The following KITLG variants were observed in gnomAD, a reference collection of about 807,000 sequenced individuals.
KITLG encodes KIT ligand, also known as c-Kit ligand.
In KITLG, 13 loss-of-function variants were observed where a neutral mutation model predicts 34.1. The ratio of observed to expected loss-of-function variants is 0.38; its 90% CI spans 0.25 to 0.61. The LOEUF is 0.61. KITLG is among the 20% of genes least tolerant of loss of function. The pLI is 0.60. For synonymous variants in KITLG, 110 were observed against 104.0 expected, an observed-to-expected ratio of 1.06 and a Z score of -0.35; for missense variants, 292 against 318.9, an observed-to-expected ratio of 0.92 and a Z score of 0.64.
chr12:88,565,076 A>G (rs1871401768), intron 1 of KITLG, among the ~76,000 whole-genome samples: 1 of 152,244 alleles, frequency 6.6e-6, no homozygotes, highest in South Asian at 2.1e-4. Context: ...TTTTAAATAC[A>G]TAAATATCAT....
intron 2 of KITLG, among the ~76,000 whole-genome samples, chr12:88,536,984 T>A (rs1293310398): frequency 1.3e-5 from 2 of 151,838 alleles, no homozygotes; most frequent in African/African-American, 2.4e-5. Context: ...AAGTATAATT[T>A]AAAAAAATGT....
At chr12:88,524,254 T>C (rs1311446258) in intron 3 of KITLG, among the ~76,000 whole-genome samples, 1 of 152,256 alleles carries the variant, frequency 6.6e-6, no homozygotes, top group African/African-American at 2.4e-5. Context: ...TTCATTTTAC[T>C]TAATTATAAT....
At chr12:88,556,471 G>GCCTTAACTAGGGC (rs1871102520) in intron 1 of KITLG, among the ~76,000 whole-genome samples, 1 of 152,170 alleles carries the variant, frequency 6.6e-6, no homozygotes, top group Non-Finnish European at 1.5e-5. Flanking sequence ...GATGATAAGG[G>GCCTTAACTAGGGC]CCTTAACTAG....
chr12:88,566,483 A>G (rs1871447701), intron 1 of KITLG, among the ~76,000 whole-genome samples: 1 of 152,222 alleles, frequency 6.6e-6, no homozygotes, highest in Non-Finnish European at 1.5e-5. Context: ...GGGTAAGATC[A>G]CTAAACAACA....
chr12:88,512,892 T>C (rs999268193), intron 6 of KITLG, among the ~76,000 whole-genome samples: 3 of 151,886 alleles, frequency 2.0e-5, no homozygotes, highest in East Asian at 1.9e-4. Flanking sequence ...AGAGATGCTA[T>C]AGAATGTTTT....
At chr12:88,516,693 G>A (rs10858753) in intron 4 of KITLG, among the ~76,000 whole-genome samples, 1 of 151,472 alleles carries the variant, frequency 6.6e-6, no homozygotes, top group Admixed American at 6.6e-5. Context: ...TGAATCTGGG[G>A]CAGTGAACAC....
chr12:88,524,319 A>G (rs979037225), intron 3 of KITLG, among the ~76,000 whole-genome samples: 2 of 152,170 alleles, frequency 1.3e-5, no homozygotes, highest in Admixed American at 1.3e-4. Context: ...GGAACTTTTA[A>G]GTATGTTTGG....
Position 88,496,794 on chromosome 12 carries a change from C to T in KITLG, c.*425G>A, listed in dbSNP as rs1868656781. ...CCCTCACTATCCAAGCTGAAATCTA[C>T]TTGCAGAGACCAGGATAACTACAGG... On this transcript the variant is annotated 3_prime_UTR_variant, in exon 10 of 10. Coordinates refer to ENST00000644744, the MANE Select transcript of KITLG (RefSeq NM_000899.5). 1 of 153,622 alleles carries T rather than the reference C, an allele frequency of 6.5e-6. No homozygotes were observed. The highest frequency in any genetic ancestry group is 1.5e-5 in the Non-Finnish European group (1 of 68,738). The allele number at this position is 153,622 out of a possible 1,614,324, so 9.5% of individuals were successfully genotyped here. A position where few individuals can be genotyped will look rare whatever the true frequency, so the allele number is the denominator to read the frequency against.
At chr12:88,519,397 A>G (rs900686993) in intron 3 of KITLG, among the ~76,000 whole-genome samples, 4 of 152,152 alleles carry the variant, frequency 2.6e-5, no homozygotes, top group Non-Finnish European at 5.9e-5. Context: ...TATTTTGAAC[A>G]CTGCTGAAAT....
rs201313302 is a variant in KITLG at position 88,518,911 on chromosome 12, T to C, written c.193-44A>G. On this transcript the variant is annotated intron_variant, in intron 3 of 9. Coordinates refer to ENST00000644744, the MANE Select transcript of KITLG (RefSeq NM_000899.5). ...GAGACAAAACAGCTATTTTAATAAGTAAGTGCCATAAAACTCGGAGTACTC... is the reference window on the plus strand; with the variant it reads ...GAGACAAAACAGCTATTTTAATAAGCAAGTGCCATAAAACTCGGAGTACTC... The C allele has an allele frequency of 2.1e-4, 322 of 1,555,496 alleles. 2 individuals are homozygous for C. The African/African-American group carries it at 3.9e-3, about 19-fold the overall frequency.
intron 3 of KITLG, among the ~76,000 whole-genome samples, chr12:88,531,349 G>A (rs1870083285): frequency 6.6e-6 from 1 of 152,154 alleles, no homozygotes; most frequent in Admixed American, 6.6e-5. Flanking sequence ...GGGGATTAAT[G>A]AAGACAGAGA....
rs1368450579 is a variant in KITLG at position 88,492,927 on chromosome 12, A to G, written c.*4292T>C. On this transcript the variant is annotated 3_prime_UTR_variant, in exon 10 of 10. Transcript: ENST00000644744. The stretch of plus-strand genomic sequence containing the variant: ...AAGTACACATACAGTATATACACAT[A>G]CACATCACATTTTACAACCTTTTTT... The G allele has an allele frequency of 6.6e-6, 1 of 152,398 alleles. No individual in the cohort carries two copies. Among genetic ancestry groups the G allele is most frequent in the Non-Finnish European group, 1.5e-5 (1 of 67,904 alleles). The allele number at this position is 152,398 out of a possible 1,614,324, so 9.4% of individuals were successfully genotyped here.
At chr12:88,512,921 A>C (rs1869328978) in intron 6 of KITLG, among the ~76,000 whole-genome samples, 4 of 151,960 alleles carry the variant, frequency 2.6e-5, no homozygotes, top group Admixed American at 2.6e-4. Flanking sequence ...AAGGAAATTA[A>C]TACCAAATGG....
chr12:88,550,702 CT>C (rs1254434442), intron 1 of KITLG, among the ~76,000 whole-genome samples: 2 of 152,140 alleles, frequency 1.3e-5, no homozygotes, highest in Non-Finnish European at 1.5e-5. Context: ...CTTTTAGCCC[CT>C]CTACACTGTC....
chr12:88,535,050 AT>A (rs1870258051), intron 2 of KITLG, among the ~76,000 whole-genome samples: 1 of 152,156 alleles, frequency 6.6e-6, no homozygotes. Flanking sequence ...CTTAAGCATA[AT>A]TTATATTATT....
At chr12:88,555,384 A>G (rs369923711) in intron 1 of KITLG, among the ~76,000 whole-genome samples, 1 of 152,228 alleles carries the variant, frequency 6.6e-6, no homozygotes, top group East Asian at 1.9e-4. Context: ...GCAAAACACA[A>G]TTCGGGAGAG....
At chr12:88,559,270 G>GT (rs1379946988) in intron 1 of KITLG, among the ~76,000 whole-genome samples, 11 of 152,138 alleles carry the variant, frequency 7.2e-5, no homozygotes, top group Non-Finnish European at 5.9e-5. Flanking sequence ...CCAATTAGGC[G>GT]TGACTGCAAG....
chr12:88,518,566 G>C, intron 4 of KITLG, 131 bp downstream of exon 4: 1 of 724,782 alleles, frequency 1.4e-6, no homozygotes, highest in Non-Finnish European at 2.3e-6. Flanking sequence ...ATCTGAACAA[G>C]ATTTTTAAAT....
intron 2 of KITLG, among the ~76,000 whole-genome samples, chr12:88,533,924 C>T (rs1017552398): frequency 6.6e-6 from 1 of 152,082 alleles, no homozygotes; most frequent in African/African-American, 2.4e-5. Context: ...ATCCTACTTC[C>T]AGTAATGCCA....
Sources: allele counts gnomAD v4.1 joint callset (sites outside exome capture counted in the v4.1 genomes callset), GRCh38; gene constraint gnomAD v4.1.1; transcripts MANE v1.5; gene names NCBI Gene and HGNC (gene_info 2026-07-23, HGNC 2026-07-21).